The following SLC24A3 variants were observed in gnomAD, a reference collection of about 807,000 sequenced individuals.
SLC24A3 encodes the protein solute carrier family 24 member 3.
Under a neutral mutation model 75.8 loss-of-function variants are expected in SLC24A3, and 28 were observed. The observed-to-expected ratio is 0.37, with a 90% CI of 0.27 to 0.51. SLC24A3 has a LOEUF of 0.51. Ranked by LOEUF, SLC24A3 falls within the 20% of genes least tolerant of loss-of-function variation. SLC24A3 has a pLI of 0.94. For missense variants in SLC24A3, 663 were observed against 847.8 expected, an observed-to-expected ratio of 0.78 and a Z score of 2.71; for synonymous variants, 372 against 334.1, an observed-to-expected ratio of 1.11 and a Z score of -1.24.
At chr20:19,329,171 A>G (rs28744644) in intron 2 of SLC24A3, among the ~76,000 whole-genome samples, 5,547 of 152,256 alleles carry the variant, frequency 0.036, 344 homozygotes, top group African/African-American at 0.13. Flanking sequence ...AACTCTTTTT[A>G]GTTTTGCTAC....
intron 2 of SLC24A3, among the ~76,000 whole-genome samples, chr20:19,378,419 A>G (rs1166362140): frequency 6.6e-6 from 1 of 152,244 alleles, no homozygotes; most frequent in East Asian, 1.9e-4. Context: ...TTAGTCCTGC[A>G]TGGAAAATAA....
At chr20:19,542,075 T>A (rs1164723140) in intron 3 of SLC24A3, among the ~76,000 whole-genome samples, 2 of 152,164 alleles carry the variant, frequency 1.3e-5, no homozygotes, top group East Asian at 3.9e-4. Flanking sequence ...GCAGCCAGGC[T>A]GGAAGGTGGC....
chr20:19,391,380 T>C (rs567510613), intron 2 of SLC24A3, among the ~76,000 whole-genome samples: 1 of 152,084 alleles, frequency 6.6e-6, no homozygotes, highest in East Asian at 1.9e-4. Flanking sequence ...TACTGAGGAA[T>C]GTAGAGGAGT....
At chr20:19,605,357 G>T (rs1221554820) in intron 6 of SLC24A3, among the ~76,000 whole-genome samples, 2 of 151,912 alleles carry the variant, frequency 1.3e-5, no homozygotes, top group Non-Finnish European at 2.9e-5. Flanking sequence ...ACATCTACTG[G>T]CTAGTCTGTT....
intron 4 of SLC24A3, among the ~76,000 whole-genome samples, chr20:19,584,089 C>G (rs2122636364): frequency 6.6e-6 from 1 of 152,356 alleles, no homozygotes; most frequent in African/African-American, 2.4e-5. Context: ...TATTCACTGG[C>G]AGCCAGCAGC....
At chr20:19,544,003 T>A (rs950645879) in intron 3 of SLC24A3, among the ~76,000 whole-genome samples, 1 of 152,188 alleles carries the variant, frequency 6.6e-6, no homozygotes, top group Non-Finnish European at 1.5e-5. Flanking sequence ...CTTTGTCAGG[T>A]GAAGAGTTTT....
Position 19,298,286 on chromosome 20 carries a change from A to C in SLC24A3, c.271+17199A>C, listed in dbSNP as rs1194814268. Reference sequence around the variant, plus strand: ...AATACGATCGTCATTTTTTCCAACAAACGCTGTCCCAGCAGAACACTTCAT... The same window carrying C: ...AATACGATCGTCATTTTTTCCAACACACGCTGTCCCAGCAGAACACTTCAT... On this transcript the variant is annotated intron_variant, in intron 2 of 16. Transcript: ENST00000328041. Among the ~76,000 whole-genome samples, 5 of 152,232 alleles carry C rather than the reference A, an allele frequency of 3.3e-5. No individual in the cohort carries two copies. The East Asian group carries it at 9.6e-4, about 29-fold the overall frequency.
intron 3 of SLC24A3, among the ~76,000 whole-genome samples, chr20:19,541,788 CG>C (rs1319777323): frequency 6.6e-6 from 1 of 152,162 alleles, no homozygotes; most frequent in East Asian, 1.9e-4. Context: ...GCCACCCTTT[CG>C]GGGTTGGGCG....
intron 1 of SLC24A3, among the ~76,000 whole-genome samples, chr20:19,238,450 G>C (rs1982231576): frequency 6.6e-6 from 1 of 152,178 alleles, no homozygotes. Flanking sequence ...GCCATCACTT[G>C]CATGTATTTT....
At chr20:19,675,716 A>G (rs976288662) in intron 9 of SLC24A3, among the ~76,000 whole-genome samples, 1 of 152,232 alleles carries the variant, frequency 6.6e-6, no homozygotes, top group Non-Finnish European at 1.5e-5. Context: ...CTAATCATTT[A>G]AAAATACCAA....
intron 15 of SLC24A3, among the ~76,000 whole-genome samples, chr20:19,700,117 G>A (rs189495732): frequency 4.4e-4 from 67 of 152,260 alleles, no homozygotes; most frequent in South Asian, 1.2e-3. Flanking sequence ...AACAACTTTC[G>A]CAGAGAAGGT....
At chr20:19,707,033 G>A (rs1378284377) in intron 15 of SLC24A3, among the ~76,000 whole-genome samples, 1 of 152,082 alleles carries the variant, frequency 6.6e-6, no homozygotes, top group Non-Finnish European at 1.5e-5. Context: ...TGGACCACTG[G>A]CTTCTCAAGA....
At chr20:19,405,525 C>T (rs1347285831) in intron 2 of SLC24A3, among the ~76,000 whole-genome samples, 1 of 152,168 alleles carries the variant, frequency 6.6e-6, no homozygotes, top group African/African-American at 2.4e-5. Flanking sequence ...AGTACCCTGG[C>T]CACATGTATG....
intron 15 of SLC24A3, among the ~76,000 whole-genome samples, chr20:19,709,249 C>T (rs2032964461): frequency 6.6e-6 from 1 of 152,134 alleles, no homozygotes; most frequent in Admixed American, 6.5e-5. Context: ...CATTTCTTGG[C>T]ACTTCTTTGG....
intron 2 of SLC24A3, among the ~76,000 whole-genome samples, chr20:19,298,869 T>A (rs1366930692): frequency 6.6e-6 from 1 of 152,178 alleles, no homozygotes; most frequent in East Asian, 1.9e-4. Flanking sequence ...GTGAGGGAGC[T>A]GGGGTATTTA....
At chr20:19,380,492 G>A (rs774808678) in intron 2 of SLC24A3, among the ~76,000 whole-genome samples, 1 of 152,180 alleles carries the variant, frequency 6.6e-6, no homozygotes, top group African/African-American at 2.4e-5. Context: ...TTTTGGAAAG[G>A]TCTCTCTGGC....
In SLC24A3 at chr20:19,657,293, C is replaced by A. The variant is rs527820806; in HGVS notation, c.687+3157C>A. Among the ~76,000 whole-genome samples the A allele has an allele frequency of 5.2e-3, 788 of 152,334 alleles. 2 individuals are homozygous for A. The highest frequency in any genetic ancestry group is 0.031 in the Middle Eastern group (9 of 294). On this transcript the variant is annotated intron_variant, in intron 7 of 16. Transcript: ENST00000328041. ...TTTACTTTAACTGGTGTTCCTCCAACTTTAGTCTACACTGGAAACACCCAG... is the reference window on the plus strand; with the variant it reads ...TTTACTTTAACTGGTGTTCCTCCAAATTTAGTCTACACTGGAAACACCCAG...
intron 2 of SLC24A3, among the ~76,000 whole-genome samples, chr20:19,316,979 C>A (rs866630020): frequency 6.6e-6 from 1 of 152,052 alleles, no homozygotes; most frequent in African/African-American, 2.4e-5. Context: ...TTCTTCCTGG[C>A]GCTCTCCCTC....
intron 2 of SLC24A3, among the ~76,000 whole-genome samples, chr20:19,395,705 T>C (rs182250470): frequency 6.6e-6 from 1 of 152,164 alleles, no homozygotes; most frequent in African/African-American, 2.4e-5. Context: ...GGCATCCAAG[T>C]TGAGTTTTAA....
Sources: gnomAD v4.1 joint callset for allele counts (sites outside exome capture counted in the v4.1 genomes callset) on GRCh38, gnomAD v4.1.1 for gene constraint, MANE v1.5 for transcripts, NCBI Gene and HGNC (gene_info 2026-07-23, HGNC 2026-07-21) for gene names.